The following RYR2 variants were observed in gnomAD, a reference collection of about 807,000 sequenced individuals.
RYR2 encodes the protein cardiac muscle ryanodine receptor-calcium release channel.
Under a neutral mutation model 601.1 loss-of-function variants are expected in RYR2, and 227 were observed. The observed-to-expected ratio is 0.38, with a 90% confidence interval of 0.34 to 0.42. The LOEUF is 0.42. Ranked by LOEUF, RYR2 falls within the 10% of genes least tolerant of loss-of-function variation. The pLI is 1.00. For missense variants in RYR2, 4,646 were observed against 6,156.5 expected (o/e 0.75, Z 8.21); for synonymous variants, 2,223 against 2,175.1 (o/e 1.02, Z -0.61).
At chr1:237,070,229 A>AT (rs1165633902) in intron 1 of RYR2, among the ~76,000 whole-genome samples, 10 of 151,142 alleles carry the variant, frequency 6.6e-5, no homozygotes, top group Non-Finnish European at 1.2e-4. Context: ...ATTTTTTATG[A>AT]TTTTTTCTTG....
At chr1:237,248,601 T>C (rs16835036) in intron 1 of RYR2, among the ~76,000 whole-genome samples, 2,993 of 152,120 alleles carry the variant, frequency 0.02, 101 homozygotes, top group African/African-American at 0.067. Context: ...ATAAGCTGTA[T>C]TGAGGCATGT....
chr1:237,726,361 G>A (rs1010192308), intron 75 of RYR2, 53 bp downstream of exon 75: 3 of 1,199,842 alleles, frequency 2.5e-6, no homozygotes, highest in Non-Finnish European at 3.6e-6. Context: ...AGGTTTATAT[G>A]TTGGGATTTT....
At chr1:237,764,056 C>G (rs1044094513) in intron 84 of RYR2, among the ~76,000 whole-genome samples, 1 of 152,210 alleles carries the variant, frequency 6.6e-6, no homozygotes, top group African/African-American at 2.4e-5. Context: ...TCTTCTACAT[C>G]CTTGCCCACT....
chr1:237,384,040 A>T (rs895698006), intron 8 of RYR2, among the ~76,000 whole-genome samples: 1 of 152,210 alleles, frequency 6.6e-6, no homozygotes, highest in Non-Finnish European at 1.5e-5. Flanking sequence ...CACAAGCCTG[A>T]CGTGATGTAG....
intron 25 of RYR2, among the ~76,000 whole-genome samples, chr1:237,546,851 T>TG (rs1421467267): frequency 2.0e-5 from 3 of 151,718 alleles, no homozygotes; most frequent in Non-Finnish European, 2.9e-5. Flanking sequence ...TTCTAGGTGC[T>TG]GGGGGGTCAC....
At chr1:237,582,345 G>C (rs1448845121) in intron 29 of RYR2, among the ~76,000 whole-genome samples, 2 of 150,628 alleles carry the variant, frequency 1.3e-5, no homozygotes, top group East Asian at 3.9e-4. Context: ...CCTAACCTCA[G>C]ATGATCTGCC....
intron 27 of RYR2, among the ~76,000 whole-genome samples, chr1:237,553,517 A>G (rs1373996086): frequency 6.6e-6 from 1 of 151,886 alleles, no homozygotes; most frequent in Non-Finnish European, 1.5e-5. Context: ...AACTTCTTTC[A>G]TATTTTATAA....
chr1:237,620,953 C>A (rs543685210), intron 38 of RYR2, among the ~76,000 whole-genome samples: 1 of 152,214 alleles, frequency 6.6e-6, no homozygotes, highest in Non-Finnish European at 1.5e-5. Flanking sequence ...CTCCACCCAA[C>A]GACAAGGTAC....
intron 2 of RYR2, among the ~76,000 whole-genome samples, chr1:237,309,705 A>G (rs12124563): frequency 0.34 from 51,239 of 151,840 alleles, 8,841 homozygotes; most frequent in South Asian, 0.51. Context: ...GGAGGCTCGG[A>G]CACGCAGGAG....
At chr1:237,192,449 A>G (rs1172927446) in intron 1 of RYR2, among the ~76,000 whole-genome samples, 2 of 152,198 alleles carry the variant, frequency 1.3e-5, no homozygotes, top group East Asian at 3.9e-4. Context: ...TCCTGACTTC[A>G]GGTGATCCAC....
chr1:237,517,587 G>A (rs1191617656), intron 24 of RYR2, among the ~76,000 whole-genome samples: 1 of 151,852 alleles, frequency 6.6e-6, no homozygotes, highest in East Asian at 1.9e-4. Flanking sequence ...CTGTGGGCTG[G>A]AAAAGCTTGT....
chr1:237,206,360 T>C (rs1681820255), intron 1 of RYR2, among the ~76,000 whole-genome samples: 1 of 152,238 alleles, frequency 6.6e-6, no homozygotes, highest in African/African-American at 2.4e-5. Flanking sequence ...TTATCTCTTG[T>C]TACTTTAGGT....
chr1:237,814,517 C>T (rs973136752), intron 100 of RYR2, among the ~76,000 whole-genome samples: 4 of 150,620 alleles, frequency 2.7e-5, no homozygotes, highest in African/African-American at 7.3e-5. Flanking sequence ...CAGTAGGGGG[C>T]GCCATAGCTG....
Position 237,374,713 on chromosome 1 carries a change from G to A in RYR2, c.385-4G>A. The A allele has an allele frequency of 6.2e-7, 1 of 1,610,006 alleles. No homozygotes were observed. On this transcript the variant is annotated splice_region_variant and splice_polypyrimidine_tract_variant and intron_variant, in intron 6 of 104. Transcript: ENST00000366574. ...CTTACAACTACTGATTTTGTACTTT[G>A]TAGTATCTGTGCTGCCTGTCCACCT...
At chr1:237,455,090 T>A (rs1164935032) in intron 15 of RYR2, among the ~76,000 whole-genome samples, 2 of 152,136 alleles carry the variant, frequency 1.3e-5, no homozygotes, top group African/African-American at 4.8e-5. Flanking sequence ...CTCCTTTGCA[T>A]CTATTACATT....
chr1:237,550,606 G>T lies in RYR2; in HGVS notation c.3129G>T (p.Lys1043Asn). 6.2e-7 allele frequency: 1 copy of T among 1,603,512 alleles called. No individual in the cohort carries two copies. Among genetic ancestry groups the T allele is most frequent in the Non-Finnish European group, 8.5e-7 (1 of 1,174,816 alleles). ...ACACTCTTCTGGATGACCGAACCAA[G>T]AAATCCAACAAGGACAGCCTCCGCG... Reference protein sequence around the residue: ...VPYTLLDDRTKKSNKDSLREA... With the variant: ...VPYTLLDDRTNKSNKDSLREA... The change falls in exon 27 of 105, where the codon AAG (lysine) becomes AAT (asparagine). Residue 1043 changes from lysine (K) to asparagine (N), a missense_variant. By Grantham distance (94) the Lys-to-Asn change is moderately conservative (BLOSUM62 0). Around this residue, in one of 17 missense-constraint regions of RYR2, gnomAD observed 1,807 missense variants for 2,088.1 expected, o/e 0.87. Coordinates refer to ENST00000366574, the MANE Select transcript of RYR2 (RefSeq NM_001035.3).
chr1:237,591,159 T>TCCCCCTCCTCCTCCTCCCCCTTCTCCTCC (rs1559077399), intron 31 of RYR2, among the ~76,000 whole-genome samples, 167 bp downstream of exon 31: 1 of 35,924 alleles, frequency 2.8e-5, no homozygotes, highest in African/African-American at 1.2e-4. Context: ...CCTCCTCCTC[T>TCCCCCTCCTCCTCCTCCCCCTTCTCCTCC]TCCCCCTTCT....
chr1:237,617,735 C>T (rs1178022721), intron 38 of RYR2, among the ~76,000 whole-genome samples: 4 of 152,208 alleles, frequency 2.6e-5, no homozygotes, highest in Non-Finnish European at 5.9e-5. Flanking sequence ...ATGCCAGAGT[C>T]TGAAGTTCTT....
chr1:237,781,050 ATACT>A lies in RYR2; in HGVS notation c.11881-513_11881-510del, dbSNP rs1315040689. ...CTATATATGTTCATTGTCGGTACAA[ATACT>A]TTTTTTTTTTCTGAGACCCAGTCTT... On this transcript the variant is annotated intron_variant, in intron 88 of 104. Coordinates refer to ENST00000366574, the MANE Select transcript of RYR2 (RefSeq NM_001035.3). 4.6e-5 allele frequency among the ~76,000 whole-genome samples: 7 copies of A among 151,738 alleles called. No homozygotes were observed. In the East Asian group the frequency reaches 1.4e-3, roughly 30 times the overall value.
Sources: gnomAD v4.1 joint callset for allele counts (sites outside exome capture counted in the v4.1 genomes callset) on GRCh38, gnomAD v4.1.1 for gene constraint, gnomAD v4.1.1 regional missense constraint, MANE v1.5 for transcripts, NCBI Gene and HGNC (gene_info 2026-07-23, HGNC 2026-07-21) for gene names.